Variants in SNX25 observed in about 807,000 individuals in gnomAD.
SNX25 encodes the protein sorting nexin 25.
In SNX25, 62 loss-of-function variants were observed where a neutral mutation model predicts 113.7. That is an observed-to-expected ratio of 0.55 (90% CI 0.44 to 0.67). The LOEUF (loss-of-function observed/expected upper bound fraction) is 0.67, where lower values mean the gene tolerates loss of function less well. SNX25 is among the 30% of genes least tolerant of loss of function. SNX25 has a pLI of 0.00. For missense variants in SNX25, 1,014 were observed against 1,161.0 expected, an observed-to-expected ratio of 0.87 and a Z score of 1.84; for synonymous variants, 421 against 436.2, an observed-to-expected ratio of 0.97 and a Z score of 0.43.
At chr4:185,267,220 A>G in intron 5 of SNX25, 65 bp downstream of exon 5, 1 of 171,536 alleles carries the variant, frequency 5.8e-6, no homozygotes, top group Non-Finnish European at 1.1e-5. Context: ...TAGTTAGGTT[A>G]AAAAAAAAAA....
chr4:185,220,017 G>A (rs547805911), intron 1 of SNX25, among the ~76,000 whole-genome samples: 249 of 150,472 alleles, frequency 1.7e-3, no homozygotes, highest in South Asian at 0.011. Flanking sequence ...ATTTGCATTT[G>A]GGTCATTCTT....
At chr4:185,249,538 T>C (rs1279286112) in intron 2 of SNX25, among the ~76,000 whole-genome samples, 1 of 152,206 alleles carries the variant, frequency 6.6e-6, no homozygotes, top group African/African-American at 2.4e-5. Flanking sequence ...AAGATTTTTC[T>C]CCTAGTTTGT....
At position 185,357,684 on chromosome 4, in the gene SNX25, G is replaced by T; in HGVS notation, c.2598G>T (p.Val866=). 3 of 1,614,080 alleles carry T rather than the reference G, an allele frequency of 1.9e-6. 1 individual carries two copies. Among genetic ancestry groups the T allele is most frequent in the Non-Finnish European group, 2.5e-6 (3 of 1,179,990 alleles). Residue 866 remains valine, a synonymous_variant, in exon 16 of 19, where the codon GTG becomes GTT. Coordinates refer to ENST00000652585, the MANE Select transcript of SNX25 (RefSeq NM_001378034.2). ...TTTCTGTTTCAGTGTTTAAATGGGT[G>T]AGAAGAACATTAATTGCCCTCGTTC... ...IFELRGMFKW[V]RRTLIALVQV...
downstream of SNX25, chr4:185,372,779 ATAAAT>A: frequency 7.8e-7 from 1 of 1,287,052 alleles, no homozygotes; most frequent in Non-Finnish European, 1.1e-6. Context: ...ACTGTGAGAA[ATAAAT>A]TTCTGTTTCT....
chr4:185,259,085 AC>A, intron 3 of SNX25, 21 bp downstream of exon 3: 2 of 1,594,080 alleles, frequency 1.3e-6, no homozygotes, highest in East Asian at 2.2e-5. Flanking sequence ...TAAGCAACTT[AC>A]CCCCTTTTTT....
intron 1 of SNX25, among the ~76,000 whole-genome samples, chr4:185,219,410 T>C (rs937200516): frequency 6.6e-6 from 1 of 151,864 alleles, no homozygotes; most frequent in Non-Finnish European, 1.5e-5. Context: ...ATACAAAAAA[T>C]TAGCCAGGTG....
At chr4:185,225,187 C>T (rs547028159) in intron 1 of SNX25, among the ~76,000 whole-genome samples, 5 of 148,894 alleles carry the variant, frequency 3.4e-5, no homozygotes, top group Non-Finnish European at 5.9e-5. Context: ...GGCGCCATCT[C>T]GGCTCACTGC....
At position 185,362,654 on chromosome 4, in the gene SNX25, T is replaced by C. The variant is rs1257500631; in HGVS notation, c.2877T>C (p.Gly959=). 2.5e-6 allele frequency: 4 copies of C among 1,613,984 alleles called. No homozygotes were observed. The highest frequency in any genetic ancestry group is 2.5e-6 in the Non-Finnish European group (3 of 1,180,018). The change falls in exon 18 of 19, where the codon GGT becomes GGC. Residue 959 remains glycine (G), a synonymous_variant. Coordinates refer to ENST00000652585, the MANE Select transcript of SNX25 (RefSeq NM_001378034.2). ...SLVGQQNARH[G]IIKIFNALQE... is the part of the protein sequence containing the mutation. ...TTGGACAGCAAAATGCCCGCCACGGTATAATAAAAATATTCAATGCACTGC... is the reference window on the plus strand; with the variant it reads ...TTGGACAGCAAAATGCCCGCCACGGCATAATAAAAATATTCAATGCACTGC...
chr4:185,284,242 C>A (rs1249931375), intron 5 of SNX25, among the ~76,000 whole-genome samples: 1 of 152,156 alleles, frequency 6.6e-6, no homozygotes, highest in Non-Finnish European at 1.5e-5. Context: ...GAAAATGTGT[C>A]AACATTCTTT....
In SNX25 at chr4:185,300,829, A is replaced by G. The variant is rs550537622; in HGVS notation, c.1163-9806A>G. 2.2e-4 allele frequency among the ~76,000 whole-genome samples: 31 copies of G among 140,476 alleles called. No individual in the cohort carries two copies. The South Asian group carries it at 6.9e-3, about 31-fold the overall frequency. The allele number at this position is 140,476 out of a possible 152,430, so 92.2% of individuals were successfully genotyped here. A position where few individuals can be genotyped will look rare whatever the true frequency, so the allele number is the denominator to read the frequency against. ...GCATGGGATTAATGCCTGTGGTATT[A>G]TGATTATTATGACACACACACACAC... On this transcript the variant is annotated intron_variant, in intron 6 of 18. Transcript: ENST00000652585.
rs1259183270 is a variant in SNX25 at position 185,334,198 on chromosome 4, G to A, written c.1914+1439G>A. Among the ~76,000 whole-genome samples, 1 of 152,034 alleles carries A rather than the reference G, an allele frequency of 6.6e-6. No homozygotes were observed. On this transcript the variant is annotated intron_variant, in intron 10 of 18. Coordinates refer to ENST00000652585, the MANE Select transcript of SNX25 (RefSeq NM_001378034.2). This position sits in a 1 kb window ranked among gnomAD's most constrained non-coding sequence, Gnocchi z 4.2. ...TACTAAAAATACAAAAATTAGCCAGGCATGGTGGCATGCATGGTAATCCCA... is the reference window on the plus strand; with the variant it reads ...TACTAAAAATACAAAAATTAGCCAGACATGGTGGCATGCATGGTAATCCCA...
At position 185,346,447 on chromosome 4, in the gene SNX25, T is replaced by G. The variant is rs555230564; in HGVS notation, c.2188-90T>G. 1.3e-4 allele frequency: 111 copies of G among 848,862 alleles called. 3 individuals are homozygous for G. Among genetic ancestry groups the G allele is most frequent in the South Asian group, 6.6e-4 (40 of 60,554 alleles). 52.6% of individuals were successfully genotyped at this position (848,862 alleles called of 1,614,324 possible). A position where few individuals can be genotyped will look rare whatever the true frequency, so the allele number is the denominator to read the frequency against. On this transcript the variant is annotated intron_variant, in intron 12 of 18. Coordinates refer to ENST00000652585, the MANE Select transcript of SNX25 (RefSeq NM_001378034.2). The stretch of plus-strand genomic sequence containing the variant: ...CAGAGGAACAAGTACAGGAGGAGGA[T>G]ATTTGTTTTGTTCTAATTGTTATTC...
At chr4:185,233,192 G>A (rs1325450817) in intron 1 of SNX25, among the ~76,000 whole-genome samples, 1 of 152,168 alleles carries the variant, frequency 6.6e-6, no homozygotes, top group Admixed American at 6.5e-5. Context: ...GCTGAGGCAG[G>A]AGAATCACTT....
At chr4:185,293,089 T>G (rs541850329) in intron 6 of SNX25, among the ~76,000 whole-genome samples, 3 of 152,254 alleles carry the variant, frequency 2.0e-5, no homozygotes, top group African/African-American at 7.2e-5. Flanking sequence ...AATAACCCAG[T>G]TGAAACTAAC....
chr4:185,352,001 C>T (rs556134127), intron 14 of SNX25, among the ~76,000 whole-genome samples: 26 of 152,058 alleles, frequency 1.7e-4, no homozygotes, highest in African/African-American at 5.5e-4. Context: ...GGGTTGGTGC[C>T]GTGCTCTAAT....
intron 2 of SNX25, among the ~76,000 whole-genome samples, chr4:185,255,365 C>A (rs766284617): frequency 6.6e-6 from 1 of 152,104 alleles, no homozygotes; most frequent in Non-Finnish European, 1.5e-5. Flanking sequence ...AACTCCTGAC[C>A]TCAGGTGATC....
chr4:185,342,152 C>T (rs200671163), intron 12 of SNX25, 36 bp downstream of exon 12: 2 of 1,499,792 alleles, frequency 1.3e-6, no homozygotes, highest in Non-Finnish European at 1.8e-6. Flanking sequence ...TCTAGAATTA[C>T]TGCACAAGAG....
chr4:185,229,002 C>T (rs1323959704), intron 1 of SNX25, among the ~76,000 whole-genome samples: 1 of 152,166 alleles, frequency 6.6e-6, no homozygotes, highest in South Asian at 2.1e-4. Context: ...TCTGCTGTCT[C>T]ATAAGGGAGA....
intron 11 of SNX25, among the ~76,000 whole-genome samples, chr4:185,341,104 C>G (rs1409592268): frequency 1.3e-5 from 2 of 152,220 alleles, no homozygotes; most frequent in African/African-American, 4.8e-5. Context: ...CTCTCTCATT[C>G]AATTTATGAT....
Sources: gnomAD v4.1 joint callset for allele counts (sites outside exome capture counted in the v4.1 genomes callset) on GRCh38, gnomAD v4.1.1 for gene constraint, Gnocchi (gnomAD v3.1) non-coding constraint, MANE v1.5 for transcripts, NCBI Gene and HGNC (gene_info 2026-07-23, HGNC 2026-07-21) for gene names.